MCTP1: variants seen among roughly 807,000 people sequenced by gnomAD.
MCTP1 encodes the protein multiple C2 and transmembrane domain containing 1, also known as multiple C2 and transmembrane domain-containing protein 1.
MCTP1 carries 69 observed loss-of-function variants against 120.6 expected under a neutral mutation model. The observed-to-expected ratio is 0.57, with a 90% CI of 0.47 to 0.70. MCTP1 has a LOEUF of 0.70. Ranked by LOEUF, MCTP1 falls within the 30% of genes least tolerant of loss-of-function variation. MCTP1 has a pLI of 0.00. For synonymous variants in MCTP1, 529 were observed against 493.1 expected (o/e 1.07, Z -0.96); for missense variants, 1,203 against 1,248.8 (o/e 0.96, Z 0.55).
In MCTP1 at chr5:95,132,494, A is replaced by G. The variant is rs182235088; in HGVS notation, c.721-115010T>C. 2.5e-3 allele frequency among the ~76,000 whole-genome samples: 374 copies of G among 152,380 alleles called. 4 individuals carry two copies. Among genetic ancestry groups the G allele is most frequent in the African/African-American group, 8.2e-3 (341 of 41,590 alleles). ...AAAATGCATAAAACAACAGAGAAGT[A>G]TTCCGATAGAATTCCTATGTGCAGA... On this transcript the variant is annotated intron_variant, in intron 1 of 22. Transcript: ENST00000515393.
chr5:94,756,169 A>T (rs1769808232), intron 19 of MCTP1, among the ~76,000 whole-genome samples: 2 of 152,184 alleles, frequency 1.3e-5, no homozygotes, highest in Admixed American at 1.3e-4. Context: ...CAACAACCCT[A>T]TGAGGTTGGA....
chr5:94,746,624 G>A (rs1162465846), intron 19 of MCTP1, among the ~76,000 whole-genome samples: 1 of 152,208 alleles, frequency 6.6e-6, no homozygotes, highest in East Asian at 1.9e-4. Flanking sequence ...TAATGTAATA[G>A]TGCAGACAAA....
At chr5:94,945,982 T>G (rs1818816095) in intron 3 of MCTP1, among the ~76,000 whole-genome samples, 2 of 152,158 alleles carry the variant, frequency 1.3e-5, no homozygotes, top group South Asian at 4.1e-4. Flanking sequence ...TACCATCATA[T>G]TTTAAAGTCT....
At position 94,912,930 on chromosome 5, in the gene MCTP1, T is replaced by C; in HGVS notation, c.1397A>G (p.His466Arg). 1 of 1,604,676 alleles carries C rather than the reference T, an allele frequency of 6.2e-7. No homozygotes were observed. Among genetic ancestry groups the C allele is most frequent in the Non-Finnish European group, 8.5e-7 (1 of 1,176,178 alleles). Residue 466 changes from histidine (H) to arginine (R), a missense_variant, in exon 9 of 23, where the codon CAT becomes CGT. Transcript: ENST00000515393. ...GATGCTGACTATTCCTCTCCAAAGATGCGATTTTCTGTGTAGGTCTGATAG... is the reference window on the plus strand; with the variant it reads ...GATGCTGACTATTCCTCTCCAAAGACGCGATTTTCTGTGTAGGTCTGATAG... ...LRLSDLHRKS[H>R]LWRGIVSITL...
intron 17 of MCTP1, among the ~76,000 whole-genome samples, chr5:94,833,460 G>A (rs949002142): frequency 6.6e-6 from 1 of 151,968 alleles, no homozygotes; most frequent in Non-Finnish European, 1.5e-5. Flanking sequence ...CCAATTATGT[G>A]GTAATTTCTT....
intron 17 of MCTP1, among the ~76,000 whole-genome samples, chr5:94,805,576 C>T (rs1455262529): frequency 2.0e-5 from 3 of 152,058 alleles, no homozygotes; most frequent in Non-Finnish European, 2.9e-5. Context: ...TGTAGTGAGC[C>T]GTGATTGCAC....
chr5:95,147,338 G>A (rs189929961), intron 1 of MCTP1, among the ~76,000 whole-genome samples: 29 of 152,182 alleles, frequency 1.9e-4, no homozygotes, highest in East Asian at 5.8e-4. Flanking sequence ...CACCTGCCTC[G>A]GTCTCCCAAA....
chr5:94,835,402 T>G (rs1326716717), intron 17 of MCTP1, among the ~76,000 whole-genome samples: 1 of 152,176 alleles, frequency 6.6e-6, no homozygotes, highest in Non-Finnish European at 1.5e-5. Flanking sequence ...GTTGGATAAC[T>G]TATCCAAAGT....
At chr5:94,947,577 T>TATATATATATAGAGAGAGAG in intron 3 of MCTP1, among the ~76,000 whole-genome samples, 14 of 47,394 alleles carry the variant, frequency 3.0e-4, no homozygotes, top group Non-Finnish European at 4.8e-4. Flanking sequence ...TATATATATA[T>TATATATATATAGAGAGAGAG]AGAGAGAGAG....
At chr5:95,092,790 T>C (rs1303776470) in intron 1 of MCTP1, among the ~76,000 whole-genome samples, 2 of 152,136 alleles carry the variant, frequency 1.3e-5, no homozygotes, top group Admixed American at 6.5e-5. Flanking sequence ...CAAATAACAA[T>C]CCAGGTTGAA....
At chr5:94,869,173 A>T (rs1044076759) in intron 16 of MCTP1, among the ~76,000 whole-genome samples, 1 of 152,058 alleles carries the variant, frequency 6.6e-6, no homozygotes, top group Non-Finnish European at 1.5e-5. Flanking sequence ...ACTGTAAAAA[A>T]GAATAGCCCA....
chr5:95,223,267 CA>C (rs1404089057), intron 1 of MCTP1, among the ~76,000 whole-genome samples: 1 of 152,006 alleles, frequency 6.6e-6, no homozygotes, highest in African/African-American at 2.4e-5. Context: ...GCCTGAGCAA[CA>C]TGGCAAAACC....
At chr5:95,180,193 C>T (rs935989198) in intron 1 of MCTP1, among the ~76,000 whole-genome samples, 20 of 152,142 alleles carry the variant, frequency 1.3e-4, no homozygotes, top group Non-Finnish European at 1.5e-4. Context: ...GGCAACACAA[C>T]AATAGTGGGG....
chr5:95,057,832 T>C (rs890150230), intron 1 of MCTP1, among the ~76,000 whole-genome samples: 2 of 152,150 alleles, frequency 1.3e-5, no homozygotes, highest in African/African-American at 2.4e-5. Context: ...ATCCGCAAAA[T>C]GTCAAACCGG....
intron 1 of MCTP1, among the ~76,000 whole-genome samples, chr5:95,244,574 C>A (rs567070679): frequency 6.6e-6 from 1 of 152,362 alleles, no homozygotes; most frequent in East Asian, 1.9e-4. Context: ...GCTTTGCTCA[C>A]TGCTAGCGCA....
intron 17 of MCTP1, among the ~76,000 whole-genome samples, chr5:94,847,682 G>GTGTGTATATATATATATA (rs1169588105): frequency 1.2e-4 from 12 of 102,378 alleles, no homozygotes; most frequent in African/African-American, 4.6e-4. Context: ...GTGTGTGTGT[G>GTGTGTATATATATATATA]TATATATATA....
intron 1 of MCTP1, among the ~76,000 whole-genome samples, chr5:95,034,588 G>A (rs539252790): frequency 4.6e-5 from 7 of 152,142 alleles, no homozygotes; most frequent in Non-Finnish European, 1.0e-4. Flanking sequence ...ATGGATTAAA[G>A]ACTTAAATGG....
intron 1 of MCTP1, among the ~76,000 whole-genome samples, chr5:95,234,725 AT>A (rs1482986830): frequency 6.6e-6 from 1 of 152,226 alleles, no homozygotes; most frequent in Non-Finnish European, 1.5e-5. Context: ...CTCAATCAAA[AT>A]TGACAACTTA....
rs530792159 is a variant in MCTP1 at position 94,980,643 on chromosome 5, C to T, written c.839-27282G>A. Among the ~76,000 whole-genome samples, 133 of 152,096 alleles carry T rather than the reference C, an allele frequency of 8.7e-4. 1 individual carries two copies. The highest frequency in any genetic ancestry group is 3.1e-3 in the African/African-American group (130 of 41,494). On this transcript the variant is annotated intron_variant, in intron 2 of 22. Transcript: ENST00000515393. ...AAATGGCTAGTCCTTATTTCATAGA[C>T]ACCCTTTCCAAGCATGTGTAGTCCT...
Sources: gnomAD v4.1 joint callset for allele counts (sites outside exome capture counted in the v4.1 genomes callset) on GRCh38, gnomAD v4.1.1 for gene constraint, MANE v1.5 for transcripts, NCBI Gene and HGNC (gene_info 2026-07-23, HGNC 2026-07-21) for gene names.